Variants in ITPR2 observed in about 807,000 individuals in gnomAD.
The protein encoded by ITPR2 is inositol 1,4,5-trisphosphate receptor type 2.
In ITPR2, 207 loss-of-function variants were observed where a neutral mutation model predicts 317.1. That is an observed-to-expected ratio of 0.65 (90% CI 0.58 to 0.73). The LOEUF (loss-of-function observed/expected upper bound fraction) is 0.73. ITPR2 is among the 30% of genes least tolerant of loss of function. ITPR2 has a pLI of 0.00. For missense variants in ITPR2, 2,613 were observed against 3,284.0 expected, an observed-to-expected ratio of 0.80 and a Z score of 4.99; for synonymous variants, 1,156 against 1,149.1, an observed-to-expected ratio of 1.01 and a Z score of -0.12.
chr12:26,522,957 G>C (rs762713953), intron 37 of ITPR2, among the ~76,000 whole-genome samples: 16 of 152,220 alleles, frequency 1.1e-4, no homozygotes, highest in Non-Finnish European at 2.4e-4. Flanking sequence ...GAAGCATTCT[G>C]CATAACATTT....
At chr12:26,419,346 A>G in intron 49 of ITPR2, 133 bp from the exon 50 acceptor site, 1 of 729,100 alleles carries the variant, frequency 1.4e-6, no homozygotes, top group Non-Finnish European at 2.1e-6. Context: ...TGACTTTTTG[A>G]CATGGATGAA....
chr12:26,377,983 G>A (rs1166689883), intron 55 of ITPR2, among the ~76,000 whole-genome samples: 1 of 151,508 alleles, frequency 6.6e-6, no homozygotes, highest in African/African-American at 2.4e-5. Context: ...TAGTGCCTTC[G>A]ACCAGAAAGA....
chr12:26,532,842 C>T (rs545279604), intron 37 of ITPR2, among the ~76,000 whole-genome samples: 20 of 152,126 alleles, frequency 1.3e-4, no homozygotes, highest in African/African-American at 3.4e-4. Flanking sequence ...TGCACCACCA[C>T]GCCCAGCTAA....
intron 2 of ITPR2, among the ~76,000 whole-genome samples, chr12:26,774,121 A>C (rs34606914): frequency 0.37 from 55,594 of 151,490 alleles, 12,662 homozygotes; most frequent in Non-Finnish European, 0.53. Context: ...TACATGGAGA[A>C]GTTTTTGTCT....
intron 9 of ITPR2, among the ~76,000 whole-genome samples, chr12:26,706,641 A>G (rs1948558185): frequency 6.6e-6 from 1 of 152,126 alleles, no homozygotes; most frequent in East Asian, 1.9e-4. Context: ...GCCACTATTC[A>G]TATTGCTATC....
intron 34 of ITPR2, among the ~76,000 whole-genome samples, chr12:26,565,874 GA>G (rs1435098843): frequency 2.0e-5 from 1 of 50,322 alleles, no homozygotes; most frequent in African/African-American, 6.8e-5. Context: ...GAGGGGAGGA[GA>G]GGAGAGGGGA....
chr12:26,456,527 G>A (rs1324703495), intron 45 of ITPR2, among the ~76,000 whole-genome samples: 3 of 152,158 alleles, frequency 2.0e-5, no homozygotes, highest in Non-Finnish European at 2.9e-5. Context: ...CCTCGGTGCT[G>A]CTCTGTTTAT....
intron 11 of ITPR2, among the ~76,000 whole-genome samples, chr12:26,683,569 C>T (rs940715963): frequency 3.7e-4 from 56 of 152,280 alleles, no homozygotes; most frequent in African/African-American, 1.3e-3. Flanking sequence ...CAGCAACGTA[C>T]ATTAAATAAG....
intron 11 of ITPR2, among the ~76,000 whole-genome samples, chr12:26,682,964 C>T (rs531203065): frequency 1.1e-4 from 17 of 152,306 alleles, no homozygotes; most frequent in African/African-American, 3.8e-4. Context: ...TCGACTGAAT[C>T]AGAAACTTTG....
intron 21 of ITPR2, among the ~76,000 whole-genome samples, chr12:26,635,616 A>G (rs959197772): frequency 3.3e-5 from 5 of 152,230 alleles, no homozygotes; most frequent in Non-Finnish European, 7.4e-5. Flanking sequence ...TCCCTGAAAC[A>G]TATTTTTAAT....
At position 26,673,460 on chromosome 12, in the gene ITPR2, T is replaced by C. The variant is rs1215806595; in HGVS notation, c.1410-7409A>G. On this transcript the variant is annotated intron_variant, in intron 13 of 56. Transcript: ENST00000381340. The stretch of plus-strand genomic sequence containing the variant: ...GACAAAAACCACATGACTATCTCAA[T>C]AGATGCAGAAAAGGCCTTTGACAAA... 5.3e-5 allele frequency among the ~76,000 whole-genome samples: 8 copies of C among 152,130 alleles called. No homozygotes were observed. The East Asian group carries it at 7.7e-4, about 15-fold the overall frequency.
intron 13 of ITPR2, among the ~76,000 whole-genome samples, chr12:26,681,124 C>T (rs1948020055): frequency 6.6e-6 from 1 of 152,196 alleles, no homozygotes; most frequent in Non-Finnish European, 1.5e-5. Flanking sequence ...AGGCATACTG[C>T]AAAGCATATG....
chr12:26,368,977 A>C (rs933202653), intron 55 of ITPR2, among the ~76,000 whole-genome samples: 1 of 152,216 alleles, frequency 6.6e-6, no homozygotes, highest in African/African-American at 2.4e-5. Flanking sequence ...AGAAAAGGTG[A>C]CCAGAGAAAG....
intron 1 of ITPR2, among the ~76,000 whole-genome samples, chr12:26,824,910 C>T (rs1950988014): frequency 6.6e-6 from 1 of 152,104 alleles, no homozygotes; most frequent in Non-Finnish European, 1.5e-5. Flanking sequence ...GCCATCAATA[C>T]ATTCAAAAGG....
At chr12:26,558,878 T>C (rs903022607) in intron 35 of ITPR2, among the ~76,000 whole-genome samples, 5 of 152,194 alleles carry the variant, frequency 3.3e-5, no homozygotes, top group African/African-American at 9.6e-5. Flanking sequence ...ATTCCCCAAA[T>C]AGAACTCCTA....
rs373137913 is a variant in ITPR2, at chr12:26,695,634, C to T, written c.968G>A (p.Arg323Gln). 64 of 1,612,244 alleles carry T rather than the reference C, an allele frequency of 4.0e-5. No homozygotes were observed. The highest frequency in any genetic ancestry group is 1.2e-4 in the Admixed American group (7 of 59,898). The part of the protein sequence containing the change: ...YLAAELNPDY[R>Q]DAQNEGKNVR... ...ATTTTTTCCTTCATTTTGGGCATCT[C>T]GATAATCAGGATTAAGCTAGAAAAA... The change falls in exon 10 of 57, where the codon CGA (arginine) becomes CAA (glutamine). Residue 323 changes from arginine to glutamine, a missense_variant. This residue lies in a region of ITPR2 where 515 missense variants were observed against 789.4 expected (regional missense o/e 0.65). Transcript: ENST00000381340.
chr12:26,436,254 G>A lies in ITPR2; in HGVS notation c.6736C>T (p.Leu2246Phe). The change falls in exon 48 of 57, where the codon CTC (leucine) becomes TTC (phenylalanine). Residue 2246 changes from leucine (L) to phenylalanine (F), a missense_variant. Coordinates refer to ENST00000381340, the MANE Select transcript of ITPR2 (RefSeq NM_002223.4). ...LAVFINLAVA[L>F]FYPFGDDGDE... ...CCATCATCCCCAAATGGGTAGAAGA[G>A]AGCAACAGCTAAATTGATGAACACA... The A allele has an allele frequency of 6.2e-7, 1 of 1,612,436 alleles. No homozygotes were observed.
At chr12:26,655,560 GC>G (rs1371954377) in intron 20 of ITPR2, 147 bp downstream of exon 20, 1 of 559,818 alleles carries the variant, frequency 1.8e-6, no homozygotes, top group Non-Finnish European at 3.0e-6. Flanking sequence ...CTTGCAGTGA[GC>G]CGAGATCATG....
At chr12:26,773,501 G>A (rs543232274) in intron 2 of ITPR2, among the ~76,000 whole-genome samples, 4 of 152,268 alleles carry the variant, frequency 2.6e-5, no homozygotes, top group African/African-American at 9.6e-5. Context: ...TATACCACAT[G>A]CACCACGATT....
Sources: gnomAD v4.1 joint callset for allele counts (sites outside exome capture counted in the v4.1 genomes callset) on GRCh38, gnomAD v4.1.1 for gene constraint, gnomAD v4.1.1 regional missense constraint, MANE v1.5 for transcripts, NCBI Gene and HGNC (gene_info 2026-07-23, HGNC 2026-07-21) for gene names.